The following ZPBP variants were observed in gnomAD, a reference collection of about 807,000 sequenced individuals.
The protein encoded by ZPBP is zona pellucida binding protein.
Under a neutral mutation model 44.8 loss-of-function variants are expected in ZPBP, and 26 were observed. The ratio of observed to expected loss-of-function variants is 0.58; its 90% CI spans 0.43 to 0.81. ZPBP has a LOEUF of 0.81. Among genes scored for constraint, ZPBP ranks in the 30% least tolerant of loss-of-function variants. The pLI is 0.00. For synonymous variants in ZPBP, 174 were observed against 153.2 expected (o/e 1.14, Z -1.00); for missense variants, 409 against 434.0 (o/e 0.94, Z 0.51).
chr7:50,091,703 A>G (rs1472931526), intron 1 of ZPBP, among the ~76,000 whole-genome samples: 1 of 152,222 alleles, frequency 6.6e-6, no homozygotes, highest in East Asian at 1.9e-4. Flanking sequence ...CACATTGTAA[A>G]TATTAAATAA....
chr7:49,840,715 G>C, the ZPBP span, among the ~76,000 whole-genome samples: 3 of 152,126 alleles, frequency 2.0e-5, no homozygotes, highest in East Asian at 1.9e-4. Context: ...ATAAAAAGCC[G>C]ATTATTCACT....
At chr7:49,897,539 T>C (rs1792450898) in intron 2 of ZPBP, among the ~76,000 whole-genome samples, 2 of 152,200 alleles carry the variant, frequency 1.3e-5, no homozygotes, top group African/African-American at 4.8e-5. Context: ...AGCTTGGAAG[T>C]TGCAACTCTA....
At chr7:49,973,782 T>C (rs1455438954) in intron 7 of ZPBP, among the ~76,000 whole-genome samples, 3 of 152,114 alleles carry the variant, frequency 2.0e-5, no homozygotes, top group Non-Finnish European at 2.9e-5. Flanking sequence ...TGACCTCTCA[T>C]AGAATGACCA....
At chr7:49,947,995 A>G (rs561419186) in intron 7 of ZPBP, among the ~76,000 whole-genome samples, 58 of 152,314 alleles carry the variant, frequency 3.8e-4, no homozygotes, top group African/African-American at 1.2e-3. Flanking sequence ...GCCTGCAGCA[A>G]GTATTGCCTG....
chr7:50,027,597 C>A (rs1799396443), intron 5 of ZPBP, among the ~76,000 whole-genome samples: 1 of 150,736 alleles, frequency 6.6e-6, no homozygotes. Context: ...CCAGAGGTAG[C>A]AAAAAGAAGG....
At chr7:49,852,213 A>G (rs1448580358) in intron 2 of ZPBP, among the ~76,000 whole-genome samples, 1 of 152,142 alleles carries the variant, frequency 6.6e-6, no homozygotes, top group Admixed American at 6.5e-5. Flanking sequence ...GCCTGCATCA[A>G]AAGTCCAGCC....
At chr7:49,848,921 C>T (rs537622267), downstream of ZPBP, among the ~76,000 whole-genome samples, 1 of 152,284 alleles carries the variant, frequency 6.6e-6, no homozygotes, top group African/African-American at 2.4e-5. Context: ...TCAGAATTTC[C>T]TAGTCTCTGT....
intron 7 of ZPBP, among the ~76,000 whole-genome samples, chr7:49,981,646 A>G (rs1357943080): frequency 1.5e-5 from 1 of 67,966 alleles, no homozygotes; most frequent in Non-Finnish European, 2.4e-5. Flanking sequence ...ATATTATATA[A>G]TATCTTGATA....
chr7:49,869,805 A>G (rs1791061584), intron 2 of ZPBP, among the ~76,000 whole-genome samples: 1 of 152,054 alleles, frequency 6.6e-6, no homozygotes, highest in Non-Finnish European at 1.5e-5. Context: ...ACATTTATAA[A>G]ATGTACATAT....
intron 6 of ZPBP, among the ~76,000 whole-genome samples, chr7:49,989,038 G>T (rs145021897): frequency 2.0e-3 from 301 of 152,198 alleles, no homozygotes; most frequent in Non-Finnish European, 1.9e-3. Flanking sequence ...TTCAGAATTT[G>T]GAAACTAGTT....
At chr7:49,932,480 A>G (rs1794481294), downstream of ZPBP, among the ~76,000 whole-genome samples, 1 of 152,242 alleles carries the variant, frequency 6.6e-6, no homozygotes. Flanking sequence ...TGGGGCCTGC[A>G]GCCCCTTCGT....
intron 7 of ZPBP, among the ~76,000 whole-genome samples, chr7:49,968,906 T>C (rs762716200): frequency 1.3e-5 from 2 of 151,926 alleles, no homozygotes; most frequent in African/African-American, 2.4e-5. Context: ...TATAAGAATG[T>C]ATCTCATAGA....
chr7:49,956,261 T>C (rs2128761541), intron 7 of ZPBP, among the ~76,000 whole-genome samples: 1 of 152,150 alleles, frequency 6.6e-6, no homozygotes, highest in East Asian at 1.9e-4. Flanking sequence ...TTGAATTTAA[T>C]AATAATGAAT....
At chr7:50,031,069 T>C (rs1389897527) in intron 5 of ZPBP, 23 bp downstream of exon 5, 2 of 1,607,768 alleles carry the variant, frequency 1.2e-6, no homozygotes, top group Non-Finnish European at 1.7e-6. Context: ...CATTTGCTTT[T>C]CTAACAAATT....
chr7:49,944,536 T>C (rs1157763417), intron 7 of ZPBP: 1 of 154,970 alleles, frequency 6.5e-6, no homozygotes, highest in Non-Finnish European at 1.4e-5. Context: ...ACCTGTTTTA[T>C]TACAGCTTCA....
intron 7 of ZPBP, among the ~76,000 whole-genome samples, chr7:49,978,979 A>C (rs184341688): frequency 8.5e-4 from 130 of 152,222 alleles, no homozygotes; most frequent in Middle Eastern, 3.4e-3. Context: ...TATAAATTAA[A>C]ATGTTTATTA....
At chr7:49,891,997 CA>C (rs1178365361) in intron 2 of ZPBP, among the ~76,000 whole-genome samples, 1 of 147,310 alleles carries the variant, frequency 6.8e-6, no homozygotes, top group African/African-American at 2.5e-5. Flanking sequence ...AAATTATAAC[CA>C]AAAGAATGCA....
chr7:49,904,974 T>G (rs975942572), intron 1 of ZPBP, among the ~76,000 whole-genome samples: 9 of 152,040 alleles, frequency 5.9e-5, no homozygotes, highest in Non-Finnish European at 1.3e-4. Flanking sequence ...GACCTCATAA[T>G]CTACCCACCT....
chr7:49,862,000 C>G (rs1790668952), intron 2 of ZPBP, among the ~76,000 whole-genome samples: 1 of 152,032 alleles, frequency 6.6e-6, no homozygotes. Context: ...ATAGGCTTTT[C>G]CATTTCCATA....
Sources: allele counts gnomAD v4.1 joint callset (sites outside exome capture counted in the v4.1 genomes callset), GRCh38; gene constraint gnomAD v4.1.1; transcripts MANE v1.5; gene names NCBI Gene and HGNC (gene_info 2026-07-23, HGNC 2026-07-21).